Variants in TMEM131L observed in about 807,000 individuals in gnomAD.
TMEM131L encodes transmembrane 131 like, also known as transmembrane protein 131-like.
A neutral mutation model predicts 192.2 loss-of-function variants in TMEM131L; 54 were observed. The ratio of observed to expected loss-of-function variants is 0.28; its 90% CI spans 0.23 to 0.35. TMEM131L has a LOEUF of 0.35. Among genes scored for constraint, TMEM131L ranks in the 10% least tolerant of loss-of-function variants. TMEM131L has a pLI of 1.00. For synonymous variants in TMEM131L, 701 were observed against 704.9 expected, an observed-to-expected ratio of 0.99 and a Z score of 0.09; for missense variants, 1,888 against 1,972.9, an observed-to-expected ratio of 0.96 and a Z score of 0.82.
intron 3 of TMEM131L, among the ~76,000 whole-genome samples, chr4:153,503,497 T>C (rs184036664): frequency 2.9e-4 from 44 of 152,344 alleles, no homozygotes; most frequent in African/African-American, 1.0e-3. Context: ...AAATTCTATT[T>C]AAAGTAACTA....
intron 7 of TMEM131L, among the ~76,000 whole-genome samples, chr4:153,566,714 C>T (rs1282516894): frequency 6.6e-6 from 1 of 152,170 alleles, no homozygotes; most frequent in East Asian, 1.9e-4. Context: ...TGGCAATGAT[C>T]ATCACAATTA....
intron 3 of TMEM131L, among the ~76,000 whole-genome samples, chr4:153,480,785 A>G (rs9998827): frequency 0.02 from 3,050 of 152,278 alleles, 108 homozygotes; most frequent in African/African-American, 0.069. Flanking sequence ...AACATGGATC[A>G]TACCTTCTCC....
At chr4:153,494,462 T>C (rs1481444947) in intron 3 of TMEM131L, among the ~76,000 whole-genome samples, 1 of 152,232 alleles carries the variant, frequency 6.6e-6, no homozygotes, top group Non-Finnish European at 1.5e-5. Flanking sequence ...TTCTAAAATA[T>C]TCAGTGTTTT....
At chr4:153,577,084 T>C (rs141416525) in intron 7 of TMEM131L, among the ~76,000 whole-genome samples, 44 of 152,260 alleles carry the variant, frequency 2.9e-4, no homozygotes, top group African/African-American at 1.0e-3. Flanking sequence ...ACATGAAGCA[T>C]AAATCAGATT....
chr4:153,520,341 C>T lies in TMEM131L; in HGVS notation c.240-29732C>T, dbSNP rs186798119. ...AAAAAATTAGCTGGGTGTAGTGGCACTCGTCCGTGGTTCCAGCTACTTGGA... is the reference window on the plus strand; with the variant it reads ...AAAAAATTAGCTGGGTGTAGTGGCATTCGTCCGTGGTTCCAGCTACTTGGA... On this transcript the variant is annotated intron_variant, in intron 3 of 34. Transcript: ENST00000409959. 3.5e-4 allele frequency among the ~76,000 whole-genome samples: 53 copies of T among 152,120 alleles called. 1 individual carries two copies. Among genetic ancestry groups the T allele is most frequent in the African/African-American group, 1.1e-3 (44 of 41,480 alleles).
chr4:153,473,230 C>T (rs367624975), intron 2 of TMEM131L, among the ~76,000 whole-genome samples: 1 of 152,088 alleles, frequency 6.6e-6, no homozygotes, highest in South Asian at 2.1e-4. Flanking sequence ...AGTGCTGGGT[C>T]CTTACTGTGT....
At chr4:153,635,222 C>T in intron 33 of TMEM131L, among the ~76,000 whole-genome samples, 1 of 152,158 alleles carries the variant, frequency 6.6e-6, no homozygotes, top group East Asian at 1.9e-4. Flanking sequence ...GAAGACCTTC[C>T]ACATTGAGGG....
In TMEM131L at chr4:153,620,814, A is replaced by G. The variant is rs766171425; in HGVS notation, c.3626A>G (p.Asn1209Ser). The G allele has an allele frequency of 3.8e-6, 6 of 1,596,978 alleles. No homozygotes were observed. The South Asian group carries it at 4.5e-5, about 12-fold the overall frequency. ...GAGAAAAGAGAAGGAAATTTACAAA[A>G]TTTAAATTGGAGTAAAAGTCGAACA... Reference protein sequence around the residue: ...LQEKREGNLQNLNWSKSRTCR... With the variant: ...LQEKREGNLQSLNWSKSRTCR... Residue 1209 changes from asparagine (N) to serine (S), a missense_variant, in exon 27 of 35, where the codon AAT becomes AGT. Coordinates refer to ENST00000409959, the MANE Select transcript of TMEM131L (RefSeq NM_001131007.2).
intron 7 of TMEM131L, among the ~76,000 whole-genome samples, chr4:153,569,224 G>C (rs1278830465): frequency 1.3e-5 from 2 of 152,204 alleles, no homozygotes; most frequent in African/African-American, 4.8e-5. Flanking sequence ...GGAATTACCT[G>C]TTAAGCCTGA....
At chr4:153,485,121 T>TAAA (rs768830957) in intron 3 of TMEM131L, among the ~76,000 whole-genome samples, 1 of 106,890 alleles carries the variant, frequency 9.4e-6, no homozygotes, top group African/African-American at 3.6e-5. Flanking sequence ...TCTGTCTCAT[T>TAAA]AAAAAAAAAA....
In TMEM131L at chr4:153,585,600, C is replaced by G; in HGVS notation, c.1300C>G (p.His434Asp). ...TGTGTTTCTTTCCAAGGAGACCAAG[C>G]ACATGTTAAAGGTACATATAGTATT... is the stretch of plus-strand genomic sequence containing the variant. ...NDVFLSKETKHMLKILNFTGP... is the reference protein window; with the variant it reads ...NDVFLSKETKDMLKILNFTGP... The change falls in exon 13 of 35, where the codon CAC becomes GAC. Residue 434 changes from histidine (H) to aspartate (D), a missense_variant. His to Asp is a moderately conservative substitution (Grantham distance 81, BLOSUM62 -1). Transcript: ENST00000409959. 6.2e-7 allele frequency: 1 copy of G among 1,613,026 alleles called. No individual in the cohort carries two copies. Among genetic ancestry groups the G allele is most frequent in the Non-Finnish European group, 8.5e-7 (1 of 1,179,456 alleles).
intron 9 of TMEM131L, among the ~76,000 whole-genome samples, chr4:153,582,546 T>C (rs1009361149): frequency 6.8e-6 from 1 of 146,696 alleles, no homozygotes; most frequent in African/African-American, 2.5e-5. Flanking sequence ...CCCAAAGTGC[T>C]GGGATTGCAA....
intron 31 of TMEM131L, among the ~76,000 whole-genome samples, chr4:153,630,694 T>C (rs1285688569): frequency 4.6e-5 from 7 of 152,124 alleles, no homozygotes; most frequent in African/African-American, 1.7e-4. Context: ...TTACTGCCCA[T>C]AGGATGTGCG....
At chr4:153,629,764 A>G (rs867389498) in intron 31 of TMEM131L, among the ~76,000 whole-genome samples, 12 of 152,070 alleles carry the variant, frequency 7.9e-5, no homozygotes, top group African/African-American at 1.9e-4. Flanking sequence ...TGGACGTTCT[A>G]TTCTGGCTGG....
intron 3 of TMEM131L, among the ~76,000 whole-genome samples, chr4:153,547,040 C>T (rs1390911695): frequency 6.6e-6 from 1 of 152,124 alleles, no homozygotes; most frequent in Non-Finnish European, 1.5e-5. Flanking sequence ...TATATACTGA[C>T]GTTAAAACTC....
At chr4:153,596,209 G>A in intron 19 of TMEM131L, 49 bp from the exon 20 acceptor site, 1 of 1,605,578 alleles carries the variant, frequency 6.2e-7, no homozygotes, top group Non-Finnish European at 8.5e-7. Flanking sequence ...AATGACAATG[G>A]AAGCTTGCTT....
intron 3 of TMEM131L, among the ~76,000 whole-genome samples, chr4:153,544,422 G>A (rs72952809): frequency 0.067 from 10,224 of 152,202 alleles, 578 homozygotes; most frequent in East Asian, 0.23. Context: ...AGTTTCCCTC[G>A]CTATCCTCCT....
chr4:153,467,237 G>A lies in TMEM131L; in HGVS notation c.151G>A (p.Glu51Lys). Residue 51 changes from glutamate to lysine, a missense_variant, in exon 2 of 35, where the codon GAG becomes AAG. Glu to Lys is a moderately conservative substitution (Grantham distance 56). Coordinates refer to ENST00000409959, the MANE Select transcript of TMEM131L (RefSeq NM_001131007.2). Reference sequence around the variant, plus strand: ...GATTGAGCCGTTGCCGAACGTGGTGGAGCTGTGGCAGGCAGAAGAAGGGGA... The same window carrying A: ...GATTGAGCCGTTGCCGAACGTGGTGAAGCTGTGGCAGGCAGAAGAAGGGGA... ...QAIEPLPNVVELWQAEEGELL... is the reference protein window; with the variant it reads ...QAIEPLPNVVKLWQAEEGELL... 6.4e-7 allele frequency: 1 copy of A among 1,551,760 alleles called. No homozygotes were observed. Among genetic ancestry groups the A allele is most frequent in the South Asian group, 1.2e-5 (1 of 84,060 alleles).
At chr4:153,501,628 A>G (rs994904574) in intron 3 of TMEM131L, among the ~76,000 whole-genome samples, 2 of 152,204 alleles carry the variant, frequency 1.3e-5, no homozygotes, top group Non-Finnish European at 2.9e-5. Context: ...TCTTACCATC[A>G]TCACTGTCAC....
Sources: gnomAD v4.1 joint callset for allele counts (sites outside exome capture counted in the v4.1 genomes callset) on GRCh38, gnomAD v4.1.1 for gene constraint, MANE v1.5 for transcripts, NCBI Gene and HGNC (gene_info 2026-07-23, HGNC 2026-07-21) for gene names.